The following CFAP47 variants were observed in gnomAD, a reference collection of about 807,000 sequenced individuals.
CFAP47 encodes the protein cilia and flagella associated protein 47.
CFAP47 carries 29 observed loss-of-function variants against 148.1 expected under a neutral mutation model. The observed-to-expected ratio is 0.20, with a 90% CI of 0.15 to 0.27. The LOEUF (loss-of-function observed/expected upper bound fraction) is 0.27, where lower values mean the gene tolerates loss of function less well. Ranked by LOEUF, CFAP47 falls within the 10% of genes least tolerant of loss-of-function variation. The probability of loss-of-function intolerance (pLI) is 1.00; values close to 1 mark genes in which losing one functional copy is unlikely to be tolerated. For synonymous variants in CFAP47, 664 were observed against 577.3 expected, an observed-to-expected ratio of 1.15 and a Z score of -2.15; for missense variants, 1,872 against 1,697.5, an observed-to-expected ratio of 1.10 and a Z score of -1.81.
chrX:36,099,013 C>T (rs1454335865), intron 31 of CFAP47, 139 bp downstream of exon 31: 13 of 293,978 alleles, frequency 4.4e-5, no homozygotes, highest in Admixed American at 6.2e-5. Flanking sequence ...TTTTGGATAA[C>T]CCATATGTTT....
At chrX:36,020,972 T>G (rs1216536155) in intron 22 of CFAP47, among the ~76,000 whole-genome samples, 5 of 111,599 alleles carry the variant, frequency 4.5e-5, no homozygotes, top group Non-Finnish European at 9.4e-5. Flanking sequence ...CTTTTTATGT[T>G]TAGTGTATCT....
chrX:36,147,788 C>G (rs1372815783), intron 36 of CFAP47, among the ~76,000 whole-genome samples: 1 of 112,341 alleles, frequency 8.9e-6, no homozygotes, highest in Non-Finnish European at 1.9e-5. Context: ...TCATCATATT[C>G]CTTATGACTC....
intron 35 of CFAP47, 73 bp from the exon 36 acceptor site, chrX:36,145,146 C>A: frequency 1.6e-5 from 4 of 250,150 alleles, no homozygotes; most frequent in East Asian, 5.9e-5. Context: ...GATATATATC[C>A]TATTGGTTCT....
chrX:36,263,625 G>C lies in CFAP47; in HGVS notation c.7444+12181G>C, dbSNP rs781866405. ...AGCCAATGTTCCTTTAAGGCCCAAGGGCTCTCAAGTCAGCTTGTGGTGAAT... is the reference window on the plus strand; with the variant it reads ...AGCCAATGTTCCTTTAAGGCCCAAGCGCTCTCAAGTCAGCTTGTGGTGAAT... On this transcript the variant is annotated intron_variant, in intron 49 of 63. Coordinates refer to ENST00000378653, the MANE Select transcript of CFAP47 (RefSeq NM_001304548.2). Among the ~76,000 whole-genome samples, 52 of 111,713 alleles carry C rather than the reference G, an allele frequency of 4.7e-4. 1 individual carries two copies. The highest frequency in any genetic ancestry group is 3.8e-3 in the Admixed American group (40 of 10,581).
rs1343584950 is a variant in CFAP47 at position 35,926,111 on chromosome X, C to T, written c.344C>T (p.Thr115Ile). Residue 115 changes from threonine (T) to isoleucine (I), a missense_variant, in exon 2 of 64, where the codon ACT (threonine) becomes ATT (isoleucine). Coordinates refer to ENST00000378653, the MANE Select transcript of CFAP47 (RefSeq NM_001304548.2). The part of the protein sequence containing the change: ...VEYHPDKDED[T>I]FDRLLISIEN... ...TATCATCCTGATAAAGACGAAGACA[C>T]TTTTGACCGGCTACTTATTTCAATA... is the stretch of plus-strand genomic sequence containing the variant. 19 of 1,204,768 alleles carry T rather than the reference C, an allele frequency of 1.6e-5. No individual in the cohort carries two copies. Among genetic ancestry groups the T allele is most frequent in the African/African-American group, 3.5e-5 (2 of 57,154 alleles).
chrX:35,923,845 A>ATG (rs201361059), intron 1 of CFAP47, among the ~76,000 whole-genome samples: 1 of 94,361 alleles, frequency 1.1e-5, no homozygotes, highest in Non-Finnish European at 2.0e-5. Context: ...ATATATATAT[A>ATG]TGTGTGTATA....
chrX:36,380,583 A>G (rs1942069199), intron 63 of CFAP47, among the ~76,000 whole-genome samples: 1 of 111,633 alleles, frequency 9.0e-6, no homozygotes, highest in South Asian at 3.7e-4. Context: ...AGCAGGGACT[A>G]CAGGCACCTG....
chrX:35,951,874 A>G lies in CFAP47; in HGVS notation c.957A>G (p.Ile319Met), dbSNP rs1483421164. ...CCTACATAAGAAAAATAAAGAACAT[A>G]GATACTACTATCATTATCTCCTGTC... ...NLTYIRKIKNIDTTIIISCLP... is the reference protein window; with the variant it reads ...NLTYIRKIKNMDTTIIISCLP... Residue 319 changes from isoleucine (I) to methionine (M), a missense_variant, in exon 6 of 64, where the codon ATA becomes ATG. By Grantham distance (10) the Ile-to-Met change is conservative. Coordinates refer to ENST00000378653, the MANE Select transcript of CFAP47 (RefSeq NM_001304548.2). The G allele has an allele frequency of 8.5e-7, 1 of 1,174,880 alleles. No individual in the cohort carries two copies. The highest frequency in any genetic ancestry group is 2.0e-5 in the South Asian group (1 of 50,496).
chrX:36,250,928 AT>A (rs1476935084), intron 48 of CFAP47, among the ~76,000 whole-genome samples: 1 of 110,493 alleles, frequency 9.1e-6, no homozygotes, highest in Non-Finnish European at 1.9e-5. Flanking sequence ...AATATTTTTT[AT>A]TTGTTTTATT....
intron 22 of CFAP47, among the ~76,000 whole-genome samples, chrX:36,022,349 A>G (rs981869420): frequency 1.8e-5 from 2 of 111,387 alleles, no homozygotes; most frequent in African/African-American, 6.5e-5. Flanking sequence ...GCTGCTAGAC[A>G]TGTTGGAGCT....
At chrX:36,222,248 T>C (rs1940220152) in intron 45 of CFAP47, among the ~76,000 whole-genome samples, 1 of 111,482 alleles carries the variant, frequency 9.0e-6, no homozygotes, top group African/African-American at 3.3e-5. Flanking sequence ...TCTTTTAGCA[T>C]TCCAAATACT....
At chrX:35,986,225 G>A (rs1936712792) in intron 15 of CFAP47, among the ~76,000 whole-genome samples, 2 of 110,696 alleles carry the variant, frequency 1.8e-5, no homozygotes, top group Admixed American at 9.6e-5. Flanking sequence ...CATTCTCCCC[G>A]TCGCTTTCAG....
intron 37 of CFAP47, among the ~76,000 whole-genome samples, chrX:36,152,048 T>A (rs1360390759): frequency 9.0e-6 from 1 of 110,997 alleles, no homozygotes; most frequent in African/African-American, 3.3e-5. Flanking sequence ...TCTGCTCTCA[T>A]GATCTAATCA....
At chrX:36,349,473 G>A (rs1224248873) in intron 58 of CFAP47, among the ~76,000 whole-genome samples, 1 of 111,150 alleles carries the variant, frequency 9.0e-6, no homozygotes, top group Admixed American at 9.6e-5. Context: ...ATGTTTGCCA[G>A]GCTGGTCTTG....
intron 62 of CFAP47, among the ~76,000 whole-genome samples, chrX:36,376,472 C>T (rs992046814): frequency 1.1e-4 from 12 of 111,289 alleles, no homozygotes; most frequent in African/African-American, 3.9e-4. Context: ...AAAGTCAGAA[C>T]ATTGGATGTC....
chrX:36,266,099 G>T (rs1035213253), intron 49 of CFAP47, among the ~76,000 whole-genome samples: 1 of 111,441 alleles, frequency 9.0e-6, no homozygotes, highest in South Asian at 3.8e-4. Flanking sequence ...GGCACTGCCA[G>T]ATTATTGGCA....
At chrX:36,200,601 T>C in intron 43 of CFAP47, 108 bp downstream of exon 43, 1 of 285,143 alleles carries the variant, frequency 3.5e-6, no homozygotes, top group Non-Finnish European at 6.2e-6. Context: ...TGTGTTTAGA[T>C]TTCGAAAGGG....
chrX:36,315,353 T>C (rs993772811), intron 56 of CFAP47, among the ~76,000 whole-genome samples: 2 of 111,982 alleles, frequency 1.8e-5, no homozygotes, highest in Non-Finnish European at 3.8e-5. Flanking sequence ...AATTACTTAG[T>C]GGAGTGGCTT....
At chrX:36,261,813 A>G (rs1038855051) in intron 49 of CFAP47, among the ~76,000 whole-genome samples, 2 of 111,482 alleles carry the variant, frequency 1.8e-5, no homozygotes, top group Non-Finnish European at 3.8e-5. Context: ...CATCGTCATC[A>G]TGGCCCGTTC....
Sources: allele counts gnomAD v4.1 joint callset (sites outside exome capture counted in the v4.1 genomes callset), GRCh38; gene constraint gnomAD v4.1.1; transcripts MANE v1.5; gene names NCBI Gene and HGNC (gene_info 2026-07-23, HGNC 2026-07-21).